The following STAT4 variants were observed in gnomAD, a reference collection of about 807,000 sequenced individuals.
The protein encoded by STAT4 is signal transducer and activator of transcription 4.
A neutral mutation model predicts 110.5 loss-of-function variants in STAT4; 42 were observed. The observed-to-expected ratio is 0.38, with a 90% confidence interval of 0.30 to 0.49. The LOEUF is 0.49. Among genes scored for constraint, STAT4 ranks in the 20% least tolerant of loss-of-function variants. STAT4 has a pLI of 0.95. For synonymous variants in STAT4, 284 were observed against 302.2 expected (o/e 0.94, Z 0.63); for missense variants, 632 against 887.9 (o/e 0.71, Z 3.66).
At chr2:191,141,098 G>A (rs999070059) in intron 3 of STAT4, among the ~76,000 whole-genome samples, 9 of 151,654 alleles carry the variant, frequency 5.9e-5, no homozygotes, top group South Asian at 2.1e-4. Context: ...GGTTGGGAGC[G>A]GGGGGTGAGG....
chr2:191,127,733 A>C (rs182119839), intron 3 of STAT4, among the ~76,000 whole-genome samples: 253 of 152,356 alleles, frequency 1.7e-3, no homozygotes, highest in African/African-American at 5.7e-3. Context: ...TGGAATAAAA[A>C]TGATGTTTCA....
In STAT4 at chr2:191,037,337, A is replaced by G. The variant is rs1696072684; in HGVS notation, c.1435-1038T>C. ...CTACATAATTAAAAAAAACAAAAAC[A>G]GAGAAATGATCTCGCTCTGTTGCTC... On this transcript the variant is annotated intron_variant, in intron 16 of 23. Transcript: ENST00000392320. This position sits in a 1 kb window ranked among gnomAD's most constrained non-coding sequence, Gnocchi z 4.8. 6.6e-6 allele frequency among the ~76,000 whole-genome samples: 1 copy of G among 152,188 alleles called. No homozygotes were observed. The highest frequency in any genetic ancestry group is 1.5e-5 in the Non-Finnish European group (1 of 68,034).
rs3024856 is a variant in STAT4 at position 191,061,314 on chromosome 2, C to T, written c.1034+415G>A. ...ATTCAAAGCCTTCCAGAATCTGTCC[C>T]CAATCTGTCCTCTCAATTCTGTCTC... On this transcript the variant is annotated intron_variant, in intron 10 of 23. Transcript: ENST00000392320. This position sits in a 1 kb window ranked among gnomAD's most constrained non-coding sequence, Gnocchi z 6.2. Among the ~76,000 whole-genome samples the T allele has an allele frequency of 0.019, 2,846 of 152,184 alleles. 86 individuals carry two copies. Among genetic ancestry groups the T allele is most frequent in the African/African-American group, 0.063 (2,622 of 41,528 alleles).
chr2:191,120,138 G>C (rs913437451), intron 3 of STAT4, among the ~76,000 whole-genome samples: 2 of 151,980 alleles, frequency 1.3e-5, no homozygotes, highest in South Asian at 2.1e-4. Flanking sequence ...GGCAAGCAAA[G>C]TTTCTTTAAA....
At chr2:191,103,468 T>C (rs574780216) in intron 3 of STAT4, among the ~76,000 whole-genome samples, 1 of 152,282 alleles carries the variant, frequency 6.6e-6, no homozygotes, top group South Asian at 2.1e-4. Context: ...GAAGTCCTTA[T>C]TACCAAAGTC....
Position 191,066,794 on chromosome 2 carries a change from A to C in STAT4, c.545-279T>G, listed in dbSNP as rs913962587. Among the ~76,000 whole-genome samples the C allele has an allele frequency of 6.6e-6, 1 of 152,182 alleles. No homozygotes were observed. Among genetic ancestry groups the C allele is most frequent in the African/African-American group, 2.4e-5 (1 of 41,452 alleles). On this transcript the variant is annotated intron_variant, in intron 6 of 23. Coordinates refer to ENST00000392320, the MANE Select transcript of STAT4 (RefSeq NM_003151.4). This position sits in a 1 kb window ranked among gnomAD's most constrained non-coding sequence, Gnocchi z 4.3. Reference sequence around the variant, plus strand: ...TTGTTTTGGTGGTGGTGGACAGAGGAGATAAAGTTGCTGTAATGGATGCCT... The same window carrying C: ...TTGTTTTGGTGGTGGTGGACAGAGGCGATAAAGTTGCTGTAATGGATGCCT...
At chr2:191,100,910 G>GA (rs1392934215) in intron 3 of STAT4, among the ~76,000 whole-genome samples, 1 of 152,052 alleles carries the variant, frequency 6.6e-6, no homozygotes, top group African/African-American at 2.4e-5. Context: ...GGTTTACCCA[G>GA]AAAAATGGAC....
chr2:191,101,510 A>G (rs1354206501), intron 3 of STAT4, among the ~76,000 whole-genome samples: 4 of 152,168 alleles, frequency 2.6e-5, no homozygotes, highest in Non-Finnish European at 5.9e-5. Context: ...GTCTAATTTA[A>G]TAAATTATCC....
chr2:191,079,436 A>T (rs1342619118), intron 3 of STAT4, among the ~76,000 whole-genome samples: 2 of 152,034 alleles, frequency 1.3e-5, no homozygotes, highest in Admixed American at 1.3e-4. Flanking sequence ...TTTTGATACT[A>T]GAATAAATAT....
chr2:191,051,364 C>T lies in STAT4; in HGVS notation c.1251+3126G>A, dbSNP rs369719248. On this transcript the variant is annotated intron_variant, in intron 14 of 23. Coordinates refer to ENST00000392320, the MANE Select transcript of STAT4 (RefSeq NM_003151.4). This position sits in a 1 kb window ranked among gnomAD's most constrained non-coding sequence, Gnocchi z 5.6. ...CACCAACATCTACACAGCCCACCAC[C>T]ACTGACTCACACACAGCTCATTCAG... is the stretch of plus-strand genomic sequence containing the variant. Among the ~76,000 whole-genome samples the T allele has an allele frequency of 4.6e-5, 7 of 152,338 alleles. No individual in the cohort carries two copies. The East Asian group carries it at 7.7e-4, about 17-fold the overall frequency.
At position 191,096,688 on chromosome 2, in the gene STAT4, C is replaced by T. The variant is rs569972622; in HGVS notation, c.274-20363G>A. 4.6e-5 allele frequency among the ~76,000 whole-genome samples: 7 copies of T among 152,274 alleles called. No homozygotes were observed. In the South Asian group the frequency reaches 1.0e-3, roughly 23 times the overall value. ...ATACTAAACGGGCAAAAACTGGAAG[C>T]ATTCCCTTTGAAAACCAGCACGAGA... On this transcript the variant is annotated intron_variant, in intron 3 of 23. Transcript: ENST00000392320.
Position 191,132,889 on chromosome 2 carries a change from A to G in STAT4, c.273+13724T>C, listed in dbSNP as rs555392542. On this transcript the variant is annotated intron_variant, in intron 3 of 23. Coordinates refer to ENST00000392320, the MANE Select transcript of STAT4 (RefSeq NM_003151.4). Reference sequence around the variant, plus strand: ...CCTTCCTCAGCCTCCCAAGTAGCTGAGACTGCAGGCGCCCGCCACCATGCC... The same window carrying G: ...CCTTCCTCAGCCTCCCAAGTAGCTGGGACTGCAGGCGCCCGCCACCATGCC... Among the ~76,000 whole-genome samples, 162 of 150,926 alleles carry G rather than the reference A, an allele frequency of 1.1e-3. 2 individuals carry two copies. The highest frequency in any genetic ancestry group is 1.8e-3 in the Non-Finnish European group (120 of 67,900).
rs1696071046 is a variant in STAT4, at chr2:191,037,288, C to G, written c.1435-989G>C. 6.6e-6 allele frequency among the ~76,000 whole-genome samples: 1 copy of G among 151,922 alleles called. No homozygotes were observed. Among genetic ancestry groups the G allele is most frequent in the African/African-American group, 2.4e-5 (1 of 41,344 alleles). On this transcript the variant is annotated intron_variant, in intron 16 of 23. Coordinates refer to ENST00000392320, the MANE Select transcript of STAT4 (RefSeq NM_003151.4). The surrounding 1 kb of genome is among the most constrained non-coding windows in gnomAD (Gnocchi z 4.8). Reference sequence around the variant, plus strand: ...CCTCAAATACCTATTTTATGGACACCATAGTAGTCTTTTCTTATTTGCTCT... The same window carrying G: ...CCTCAAATACCTATTTTATGGACACGATAGTAGTCTTTTCTTATTTGCTCT...
In STAT4 at chr2:191,073,172, A is replaced by G. The variant is rs768064931; in HGVS notation, c.391T>C (p.Leu131=). ...CTTTCTGAAACTGAAGAACTTTGTA[A>G]GGATTTCTCTAGAGGCCCCTGGAAA... ...MPVQGPLEKS[L]QSSSVSERQR... is the part of the protein sequence containing the mutation. Residue 131 remains leucine, a synonymous_variant, in exon 5 of 24, where the codon TTA becomes CTA. Coordinates refer to ENST00000392320, the MANE Select transcript of STAT4 (RefSeq NM_003151.4). 6.2e-7 allele frequency: 1 copy of G among 1,613,972 alleles called. No individual in the cohort carries two copies. Among genetic ancestry groups the G allele is most frequent in the South Asian group, 1.1e-5 (1 of 91,080 alleles).
rs371189543 is a variant in STAT4, at chr2:191,144,515, A to G, written c.273+2098T>C. The stretch of plus-strand genomic sequence containing the variant: ...GGAGCTCAAGGAAGATTGTTGGGAA[A>G]GGTCTAAAGAGGAAAGATGCTAGAG... On this transcript the variant is annotated intron_variant, in intron 3 of 23. Transcript: ENST00000392320. The surrounding 1 kb of genome is among the most constrained non-coding windows in gnomAD (Gnocchi z 4.7). Among the ~76,000 whole-genome samples, 28 of 152,260 alleles carry G rather than the reference A, an allele frequency of 1.8e-4. 1 individual carries two copies. The highest frequency in any genetic ancestry group is 6.3e-4 in the African/African-American group (26 of 41,554).
chr2:191,132,070 T>C (rs557171942), intron 3 of STAT4, among the ~76,000 whole-genome samples: 1 of 151,772 alleles, frequency 6.6e-6, no homozygotes. Context: ...CGAGGGACTT[T>C]CATTCTTCAC....
At chr2:191,115,938 C>T (rs1433672995) in intron 3 of STAT4, among the ~76,000 whole-genome samples, 1 of 152,200 alleles carries the variant, frequency 6.6e-6, no homozygotes, top group Non-Finnish European at 1.5e-5. Context: ...AGTAGGGCTA[C>T]TTACAGAAGG....
At chr2:191,065,578 A>C (rs907284807) in intron 7 of STAT4, among the ~76,000 whole-genome samples, 24 of 152,316 alleles carry the variant, frequency 1.6e-4, no homozygotes, top group African/African-American at 5.8e-4. Context: ...TCTCTTTTTA[A>C]AATGTTATTC....
In STAT4 at chr2:191,112,834, T is replaced by A. The variant is rs1174542623; in HGVS notation, c.273+33779A>T. ...CAAACTACAGAAGGAAAATTCAGGA[T>A]AATTTCTTGAAAGCAATAATTATTC... On this transcript the variant is annotated intron_variant, in intron 3 of 23. Transcript: ENST00000392320. This position sits in a 1 kb window ranked among gnomAD's most constrained non-coding sequence, Gnocchi z 4.3. Among the ~76,000 whole-genome samples, 1 of 152,224 alleles carries A rather than the reference T, an allele frequency of 6.6e-6. No homozygotes were observed. Among genetic ancestry groups the A allele is most frequent in the Admixed American group, 6.5e-5 (1 of 15,276 alleles).
Sources: allele counts gnomAD v4.1 joint callset (sites outside exome capture counted in the v4.1 genomes callset), GRCh38; gene constraint gnomAD v4.1.1; non-coding constraint Gnocchi (gnomAD v3.1); transcripts MANE v1.5; gene names NCBI Gene and HGNC (gene_info 2026-07-23, HGNC 2026-07-21).